FOXO1: variants seen among roughly 807,000 people sequenced by gnomAD.
The protein encoded by FOXO1 is forkhead box O1.
A neutral mutation model predicts 44.1 loss-of-function variants in FOXO1; 6 were observed. The ratio of observed to expected loss-of-function variants is 0.14; its 90% confidence interval spans 0.07 to 0.27. The LOEUF (loss-of-function observed/expected upper bound fraction) is 0.27, where lower values mean the gene tolerates loss of function less well. Ranked by LOEUF, FOXO1 falls within the 10% of genes least tolerant of loss-of-function variation. The pLI is 1.00. For synonymous variants in FOXO1, 380 were observed against 362.7 expected, an observed-to-expected ratio of 1.05 and a Z score of -0.54; for missense variants, 737 against 888.8, an observed-to-expected ratio of 0.83 and a Z score of 2.17.
At chr13:40,637,769 G>A (rs1462217753) in intron 1 of FOXO1, among the ~76,000 whole-genome samples, 1 of 152,156 alleles carries the variant, frequency 6.6e-6, no homozygotes, top group African/African-American at 2.4e-5. Flanking sequence ...TGATAAAGTT[G>A]GTAAGCACTG....
At chr13:40,588,250 A>T (rs1434507098) in intron 1 of FOXO1, among the ~76,000 whole-genome samples, 2 of 152,170 alleles carry the variant, frequency 1.3e-5, no homozygotes, top group Non-Finnish European at 2.9e-5. Context: ...GGCTCTACTT[A>T]CAATTCCCTG....
chr13:40,590,032 G>A (rs1018436788), intron 1 of FOXO1, among the ~76,000 whole-genome samples: 1 of 152,162 alleles, frequency 6.6e-6, no homozygotes, highest in African/African-American at 2.4e-5. Context: ...CTGCAAGTTT[G>A]TACGATGGGA....
At chr13:40,601,877 T>C (rs765106839) in intron 1 of FOXO1, among the ~76,000 whole-genome samples, 42 of 152,200 alleles carry the variant, frequency 2.8e-4, no homozygotes, top group Non-Finnish European at 3.1e-4. Context: ...TTTTAAAAAA[T>C]AGAATTGTAT....
At chr13:40,621,664 C>A (rs186547838) in intron 1 of FOXO1, among the ~76,000 whole-genome samples, 1 of 152,136 alleles carries the variant, frequency 6.6e-6, no homozygotes, top group African/African-American at 2.4e-5. Context: ...AGGTTAAAAA[C>A]CAATCTTCTT....
chr13:40,599,629 T>C (rs909682632), intron 1 of FOXO1, among the ~76,000 whole-genome samples: 3 of 152,162 alleles, frequency 2.0e-5, no homozygotes, highest in African/African-American at 7.2e-5. Flanking sequence ...TGAGTGGTTC[T>C]AGATAGGGTG....
chr13:40,587,951 G>C (rs938858944), intron 1 of FOXO1, among the ~76,000 whole-genome samples: 1 of 152,168 alleles, frequency 6.6e-6, no homozygotes, highest in African/African-American at 2.4e-5. Context: ...ATGTGAAAGA[G>C]AGTCAATGCA....
chr13:40,620,499 T>C, intron 1 of FOXO1: 2 of 524,614 alleles, frequency 3.8e-6, no homozygotes, highest in East Asian at 8.6e-5. Context: ...GTCTGGAGAA[T>C]CTAGTACTCT....
At chr13:40,652,669 A>G (rs1877724274) in intron 1 of FOXO1, among the ~76,000 whole-genome samples, 1 of 152,210 alleles carries the variant, frequency 6.6e-6, no homozygotes, top group Non-Finnish European at 1.5e-5. Flanking sequence ...AGAGAAGAGA[A>G]AAAACCTTTT....
intron 1 of FOXO1, among the ~76,000 whole-genome samples, chr13:40,573,628 C>G (rs564433595): frequency 1.3e-5 from 2 of 152,258 alleles, no homozygotes; most frequent in South Asian, 4.1e-4. Flanking sequence ...TTTTTGGAAA[C>G]ATGGATGATA....
chr13:40,650,807 T>A (rs1178163082), intron 1 of FOXO1, among the ~76,000 whole-genome samples: 1 of 152,182 alleles, frequency 6.6e-6, no homozygotes, highest in East Asian at 1.9e-4. Context: ...CAGGCTGGAG[T>A]GCAGTGGCGC....
intron 1 of FOXO1, among the ~76,000 whole-genome samples, chr13:40,616,542 G>A (rs1876429656): frequency 6.6e-6 from 1 of 152,242 alleles, no homozygotes; most frequent in Non-Finnish European, 1.5e-5. Context: ...CCAAACGCAT[G>A]TGGAGAAGAA....
intron 1 of FOXO1, among the ~76,000 whole-genome samples, chr13:40,584,469 CAA>C (rs55733141): frequency 1.4e-3 from 91 of 63,064 alleles, no homozygotes; most frequent in African/African-American, 5.9e-3. Context: ...ACAAAAAATG[CAA>C]AAAAAAAAAA....
chr13:40,662,300 G>A (rs537418850), intron 1 of FOXO1, among the ~76,000 whole-genome samples: 9 of 150,596 alleles, frequency 6.0e-5, no homozygotes, highest in Non-Finnish European at 1.0e-4. Context: ...TTAACCTAAA[G>A]TGTTCCTAAT....
Position 40,665,754 on chromosome 13 carries a change from G to T in FOXO1, c.459C>A (p.Ser153Arg), listed in dbSNP as rs1489755369. 5 of 1,403,856 alleles carry T rather than the reference G, an allele frequency of 3.6e-6. No homozygotes were observed. The highest frequency in any genetic ancestry group is 4.7e-6 in the Non-Finnish European group (5 of 1,062,486). The allele number at this position is 1,403,856 out of a possible 1,614,324, so 87.0% of individuals were successfully genotyped here. Reference protein sequence around the residue: ...GPLAGQPRKSSSSRRNAWGNL... With the variant: ...GPLAGQPRKSRSSRRNAWGNL... The stretch of plus-strand genomic sequence containing the variant: ...TGCCCCACGCGTTGCGGCGGGACGA[G>T]CTGCTCTTGCGCGGCTGCCCCGCGA... Residue 153 changes from serine (S) to arginine (R), a missense_variant, in exon 1 of 3, where the codon AGC (serine) becomes AGA (arginine). Around this residue, in one of 7 missense-constraint regions of FOXO1, gnomAD observed 213 missense variants for 236.4 expected, o/e 0.90. Coordinates refer to ENST00000379561, the MANE Select transcript of FOXO1 (RefSeq NM_002015.4).
intron 1 of FOXO1, among the ~76,000 whole-genome samples, chr13:40,589,257 C>T (rs1416873328): frequency 6.6e-6 from 1 of 152,026 alleles, no homozygotes; most frequent in Non-Finnish European, 1.5e-5. Flanking sequence ...CAGTTTAATA[C>T]AACTCAATCC....
rs34831498 is a variant in FOXO1 at position 40,587,266 on chromosome 13, T to TAAA, written c.631-26409_631-26407dup. 1.7e-3 allele frequency among the ~76,000 whole-genome samples: 147 copies of TAAA among 88,994 alleles called. 2 individuals are homozygous for TAAA. In the East Asian group the frequency reaches 0.021, roughly 13 times the overall value. The allele number at this position is 88,994 out of a possible 152,430, so 58.4% of individuals were successfully genotyped here. On this transcript the variant is annotated intron_variant, in intron 1 of 2. Coordinates refer to ENST00000379561, the MANE Select transcript of FOXO1 (RefSeq NM_002015.4). The stretch of plus-strand genomic sequence containing the variant: ...TGCCTGAGAAGGGCTCAGAACAAAG[T>TAAA]AAAAAAAAAAAAAAAAAAAGTGGGA...
chr13:40,586,144 A>G (rs911969816), intron 1 of FOXO1, among the ~76,000 whole-genome samples: 1 of 152,228 alleles, frequency 6.6e-6, no homozygotes, highest in South Asian at 2.1e-4. Context: ...AGTGAAACCA[A>G]TTGAGAGGAT....
rs74044547 is a variant in FOXO1 at position 40,624,698 on chromosome 13, G to A, written c.630+40885C>T. ...CAAGTCCACTCAAATTATTTTTTTG[G>A]AAATTTTGAGAGTATATGGAATCAA... On this transcript the variant is annotated intron_variant, in intron 1 of 2. Coordinates refer to ENST00000379561, the MANE Select transcript of FOXO1 (RefSeq NM_002015.4). Among the ~76,000 whole-genome samples, 870 of 152,108 alleles carry A rather than the reference G, an allele frequency of 5.7e-3. 7 individuals carry two copies. Among genetic ancestry groups the A allele is most frequent in the African/African-American group, 0.02 (832 of 41,482 alleles).
chr13:40,640,141 T>C (rs564988561), intron 1 of FOXO1, among the ~76,000 whole-genome samples: 3 of 152,244 alleles, frequency 2.0e-5, no homozygotes, highest in South Asian at 4.1e-4. Flanking sequence ...TACACTAAAA[T>C]AGCACAAATC....
Sources: gnomAD v4.1 joint callset for allele counts (sites outside exome capture counted in the v4.1 genomes callset) on GRCh38, gnomAD v4.1.1 for gene constraint, gnomAD v4.1.1 regional missense constraint, MANE v1.5 for transcripts, NCBI Gene and HGNC (gene_info 2026-07-23, HGNC 2026-07-21) for gene names.